CDKAL1: variants seen among roughly 807,000 people sequenced by gnomAD.
The protein encoded by CDKAL1 is CDKAL1 threonylcarbamoyladenosine tRNA methylthiotransferase.
In CDKAL1, 32 loss-of-function variants were observed where a neutral mutation model predicts 68.2. The ratio of observed to expected loss-of-function variants is 0.47; its 90% CI spans 0.35 to 0.63. The LOEUF is 0.63. Among genes scored for constraint, CDKAL1 ranks in the 30% least tolerant of loss-of-function variants. The pLI, the probability that CDKAL1 is intolerant of heterozygous loss-of-function variation, is 0.00. For synonymous variants in CDKAL1, 234 were observed against 244.3 expected (o/e 0.96, Z 0.39); for missense variants, 606 against 696.7 (o/e 0.87, Z 1.47).
intron 12 of CDKAL1, among the ~76,000 whole-genome samples, chr6:21,078,820 C>A (rs1173483069): frequency 6.6e-6 from 1 of 152,170 alleles, no homozygotes; most frequent in Non-Finnish European, 1.5e-5. Flanking sequence ...TTCTCCTCCC[C>A]ACCTCTTTCA....
intron 5 of CDKAL1, among the ~76,000 whole-genome samples, chr6:20,685,141 A>G (rs1349714680): frequency 6.6e-6 from 1 of 152,146 alleles, no homozygotes; most frequent in Non-Finnish European, 1.5e-5. Flanking sequence ...TTTATGTTTT[A>G]CATTGAGGTC....
At position 21,154,502 on chromosome 6, in the gene CDKAL1, T is replaced by G. The variant is rs560578337; in HGVS notation, c.1300-43519T>G. On this transcript the variant is annotated intron_variant, in intron 13 of 15. Coordinates refer to ENST00000274695, the MANE Select transcript of CDKAL1 (RefSeq NM_017774.3). ...ATCAATATCTGGATATATTAACCAA[T>G]CCTTATACTTTTGCTCCTTGAGAAA... 3.0e-4 allele frequency among the ~76,000 whole-genome samples: 46 copies of G among 152,362 alleles called. No individual in the cohort carries two copies. In the South Asian group the frequency reaches 8.9e-3, roughly 30 times the overall value.
chr6:21,056,462 T>C (rs56048657), intron 11 of CDKAL1, among the ~76,000 whole-genome samples: 29,001 of 152,138 alleles, frequency 0.19, 2,880 homozygotes, highest in Middle Eastern at 0.24. Flanking sequence ...GATCATATCA[T>C]CTGCAAACAG....
intron 4 of CDKAL1, among the ~76,000 whole-genome samples, chr6:20,554,679 T>C (rs1763967139): frequency 6.6e-6 from 1 of 152,204 alleles, no homozygotes; most frequent in African/African-American, 2.4e-5. Flanking sequence ...CACAATTTTG[T>C]TAAGGAATTC....
chr6:20,771,575 A>G (rs1443528146), intron 7 of CDKAL1, among the ~76,000 whole-genome samples: 2 of 152,136 alleles, frequency 1.3e-5, no homozygotes, highest in African/African-American at 4.8e-5. Flanking sequence ...ATTGAAAGTG[A>G]GTGCAACATA....
chr6:21,108,556 C>A, intron 13 of CDKAL1, 93 bp downstream of exon 13: 1 of 728,364 alleles, frequency 1.4e-6, no homozygotes, highest in Non-Finnish European at 2.3e-6. Flanking sequence ...CTGAAATACA[C>A]TTACCAATTA....
At chr6:21,230,319 A>C (rs1779910472) in intron 15 of CDKAL1, among the ~76,000 whole-genome samples, 1 of 152,064 alleles carries the variant, frequency 6.6e-6, no homozygotes, top group Admixed American at 6.5e-5. Context: ...CTGCCACCAC[A>C]CCCAGCTAAT....
intron 10 of CDKAL1, among the ~76,000 whole-genome samples, chr6:20,958,136 C>T (rs1020391811): frequency 7.9e-5 from 12 of 152,240 alleles, no homozygotes; most frequent in Non-Finnish European, 1.8e-4. Context: ...GAAAGCCACC[C>T]ACTACTCTGC....
chr6:20,985,802 C>CA lies in CDKAL1; in HGVS notation c.910-14413dup, dbSNP rs1331475452. On this transcript the variant is annotated intron_variant, in intron 10 of 15. Transcript: ENST00000274695. ...TGGATGATGGAGTGAGACCCTGCCT[C>CA]AAAAAAAAAAAACAACTTTTAAGAC... Among the ~76,000 whole-genome samples, 1,177 of 133,504 alleles carry CA rather than the reference C, an allele frequency of 8.8e-3. 15 individuals carry two copies. The highest frequency in any genetic ancestry group is 0.025 in the African/African-American group (914 of 36,506). 87.6% of individuals were successfully genotyped at this position (133,504 alleles called of 152,430 possible). A position where few individuals can be genotyped will look rare whatever the true frequency, so the allele number is the denominator to read the frequency against.
At chr6:20,805,905 CAA>C (rs1303814474) in intron 8 of CDKAL1, among the ~76,000 whole-genome samples, 6 of 152,164 alleles carry the variant, frequency 3.9e-5, no homozygotes, top group Non-Finnish European at 5.9e-5. Context: ...AGCAGTTGCT[CAA>C]AGAGTTGAGG....
intron 5 of CDKAL1, among the ~76,000 whole-genome samples, chr6:20,680,531 C>T (rs1770327177): frequency 6.6e-6 from 1 of 152,186 alleles, no homozygotes. Flanking sequence ...TGATTCCTTA[C>T]ATTCGGTGCT....
chr6:20,730,985 A>G (rs1395179629), intron 5 of CDKAL1, among the ~76,000 whole-genome samples: 1 of 152,140 alleles, frequency 6.6e-6, no homozygotes, highest in African/African-American at 2.4e-5. Context: ...AGCCATGTGG[A>G]CATCTGGGCC....
chr6:21,185,649 G>A (rs991254508), intron 13 of CDKAL1, among the ~76,000 whole-genome samples: 4 of 152,148 alleles, frequency 2.6e-5, no homozygotes, highest in Admixed American at 6.5e-5. Flanking sequence ...GTGTGTGTGC[G>A]TGCCTGTGTG....
At chr6:21,008,480 A>G (rs1767846419) in intron 11 of CDKAL1, among the ~76,000 whole-genome samples, 1 of 152,194 alleles carries the variant, frequency 6.6e-6, no homozygotes, top group African/African-American at 2.4e-5. Context: ...AGGAAAAGGA[A>G]GGGAAGAAGG....
chr6:20,626,871 A>G (rs559697815), intron 4 of CDKAL1, among the ~76,000 whole-genome samples: 34 of 152,276 alleles, frequency 2.2e-4, no homozygotes, highest in African/African-American at 7.9e-4. Flanking sequence ...GTGTAGTACA[A>G]CAGTCTTCCC....
chr6:20,649,327 C>G lies in CDKAL1; in HGVS notation c.321C>G (p.Asn107Lys). 6.2e-7 allele frequency: 1 copy of G among 1,608,264 alleles called. No homozygotes were observed. The highest frequency in any genetic ancestry group is 8.5e-7 in the Non-Finnish European group (1 of 1,178,464). The change falls in exon 5 of 16, where the codon AAC (asparagine) becomes AAG (lysine). Residue 107 changes from asparagine to lysine, a missense_variant. Coordinates refer to ENST00000274695, the MANE Select transcript of CDKAL1 (RefSeq NM_017774.3). ...NASDADLWLL[N>K]SCTVKNPAED... Reference sequence around the variant, plus strand: ...CCGATGCAGATTTATGGCTCCTGAACAGTTGCACTGTAAAAAACCCAGCTG... The same window carrying G: ...CCGATGCAGATTTATGGCTCCTGAAGAGTTGCACTGTAAAAAACCCAGCTG...
chr6:21,054,271 A>G (rs1203098407), intron 11 of CDKAL1, among the ~76,000 whole-genome samples: 3 of 152,140 alleles, frequency 2.0e-5, no homozygotes, highest in Admixed American at 6.5e-5. Context: ...AATTACCCAT[A>G]TATGATGAAT....
At chr6:21,134,089 T>C (rs764724026) in intron 13 of CDKAL1, among the ~76,000 whole-genome samples, 16 of 152,164 alleles carry the variant, frequency 1.1e-4, no homozygotes, top group Non-Finnish European at 2.1e-4. Flanking sequence ...CGTGCTCTTT[T>C]GTGCTGCCTC....
chr6:21,004,891 G>A (rs1463305872), intron 11 of CDKAL1, among the ~76,000 whole-genome samples: 1 of 152,164 alleles, frequency 6.6e-6, no homozygotes, highest in Non-Finnish European at 1.5e-5. Context: ...GAGCCTGGAA[G>A]TTGGAAGTTA....
Sources: allele counts gnomAD v4.1 joint callset (sites outside exome capture counted in the v4.1 genomes callset), GRCh38; gene constraint gnomAD v4.1.1; transcripts MANE v1.5; gene names NCBI Gene and HGNC (gene_info 2026-07-23, HGNC 2026-07-21).